The following MAN2A1 variants were observed in gnomAD, a reference collection of about 807,000 sequenced individuals.
MAN2A1 encodes the protein mannosidase alpha class 2A member 1.
In MAN2A1, 76 loss-of-function variants were observed where a neutral mutation model predicts 142.6. The ratio of observed to expected loss-of-function variants is 0.53; its 90% CI spans 0.44 to 0.65. The LOEUF is 0.65. Among genes scored for constraint, MAN2A1 ranks in the 30% least tolerant of loss-of-function variants. The probability of loss-of-function intolerance (pLI) is 0.00; values close to 1 mark genes in which losing one functional copy is unlikely to be tolerated. For synonymous variants in MAN2A1, 559 were observed against 473.2 expected (o/e 1.18, Z -2.35); for missense variants, 1,311 against 1,365.1 (o/e 0.96, Z 0.62).
At chr5:109,762,443 G>T (rs1752877246) in intron 5 of MAN2A1, among the ~76,000 whole-genome samples, 2 of 151,970 alleles carry the variant, frequency 1.3e-5, no homozygotes, top group Admixed American at 1.3e-4. Context: ...ATACATTTTG[G>T]CTCATTTGTT....
chr5:109,690,630 T>C, intron 1 of MAN2A1, 78 bp downstream of exon 1: 1 of 1,468,828 alleles, frequency 6.8e-7, no homozygotes, highest in Non-Finnish European at 9.2e-7. Context: ...CTACCCAACC[T>C]CTTCCTCCCG....
chr5:109,763,591 C>T (rs1480803206), intron 5 of MAN2A1, among the ~76,000 whole-genome samples: 2 of 151,400 alleles, frequency 1.3e-5, no homozygotes. Context: ...CATATGTATA[C>T]ATGTGCCATG....
chr5:109,750,623 T>C (rs558390412), intron 4 of MAN2A1, among the ~76,000 whole-genome samples: 35 of 152,266 alleles, frequency 2.3e-4, no homozygotes, highest in African/African-American at 7.9e-4. Context: ...GTCATTTATA[T>C]ATGATATGAT....
At chr5:109,808,920 C>G (rs996301028) in intron 12 of MAN2A1, among the ~76,000 whole-genome samples, 5 of 152,014 alleles carry the variant, frequency 3.3e-5, no homozygotes, top group Admixed American at 3.3e-4. Context: ...CCAGGCTGGT[C>G]TCGAACTCCT....
intron 4 of MAN2A1, among the ~76,000 whole-genome samples, chr5:109,746,295 T>C (rs1263908794): frequency 6.6e-6 from 1 of 152,144 alleles, no homozygotes; most frequent in Admixed American, 6.6e-5. Flanking sequence ...TAGTTTTCAG[T>C]GCTTAGGAGA....
At chr5:109,793,341 C>T (rs1285149324) in intron 12 of MAN2A1, among the ~76,000 whole-genome samples, 1 of 152,070 alleles carries the variant, frequency 6.6e-6, no homozygotes, top group Admixed American at 6.6e-5. Context: ...TTGTAAACTC[C>T]TTGAGAGTAG....
At chr5:109,834,783 A>T (rs1483140209) in intron 16 of MAN2A1, among the ~76,000 whole-genome samples, 2 of 152,204 alleles carry the variant, frequency 1.3e-5, no homozygotes, top group Admixed American at 6.5e-5. Flanking sequence ...ATGAAAGCAG[A>T]TGTTAACATT....
intron 16 of MAN2A1, among the ~76,000 whole-genome samples, chr5:109,835,759 A>AC (rs1755041022): frequency 6.6e-6 from 1 of 152,196 alleles, no homozygotes; most frequent in African/African-American, 2.4e-5. Flanking sequence ...TTATGAGTAT[A>AC]TTCCTTGGAA....
chr5:109,704,115 G>A (rs1278025343), intron 1 of MAN2A1, among the ~76,000 whole-genome samples: 1 of 152,204 alleles, frequency 6.6e-6, no homozygotes, highest in Admixed American at 6.5e-5. Flanking sequence ...CAGCTACTAA[G>A]TTGGTGGCCC....
chr5:109,779,584 AAC>A (rs1461083487), intron 8 of MAN2A1, among the ~76,000 whole-genome samples: 1 of 50,380 alleles, frequency 2.0e-5, no homozygotes, highest in Non-Finnish European at 4.3e-5. Flanking sequence ...CACACACACA[AAC>A]ACACACAGTC....
intron 8 of MAN2A1, among the ~76,000 whole-genome samples, chr5:109,777,006 G>A (rs1287853656): frequency 1.3e-5 from 2 of 151,908 alleles, no homozygotes; most frequent in Admixed American, 1.3e-4. Flanking sequence ...ATTGTTATTG[G>A]GTATTTGGGA....
At chr5:109,764,183 C>G (rs921388877) in intron 5 of MAN2A1, among the ~76,000 whole-genome samples, 3 of 152,044 alleles carry the variant, frequency 2.0e-5, no homozygotes, top group African/African-American at 7.2e-5. Flanking sequence ...TCCTCTTAAA[C>G]TATAGTATTA....
intron 8 of MAN2A1, among the ~76,000 whole-genome samples, chr5:109,780,546 G>GTA (rs1554078301): frequency 0.032 from 4,845 of 149,306 alleles, 510 homozygotes; most frequent in African/African-American, 0.096. Context: ...GTGTGTGTGT[G>GTA]TGTATGTGTG....
intron 16 of MAN2A1, among the ~76,000 whole-genome samples, chr5:109,829,071 C>A (rs1754835459): frequency 1.3e-5 from 2 of 152,178 alleles, no homozygotes; most frequent in African/African-American, 4.8e-5. Flanking sequence ...TAAACTATTT[C>A]TCAACATAAG....
chr5:109,767,958 G>A (rs1753038340), intron 6 of MAN2A1, among the ~76,000 whole-genome samples: 1 of 152,176 alleles, frequency 6.6e-6, no homozygotes, highest in African/African-American at 2.4e-5. Context: ...TAAGGAGTTA[G>A]TATTTTGCCA....
At chr5:109,760,713 A>G (rs1222611286) in intron 5 of MAN2A1, among the ~76,000 whole-genome samples, 1 of 151,928 alleles carries the variant, frequency 6.6e-6, no homozygotes, top group Non-Finnish European at 1.5e-5. Flanking sequence ...TTTGATTTGT[A>G]TTTCTCTAAT....
intron 8 of MAN2A1, among the ~76,000 whole-genome samples, chr5:109,779,574 CACACACACAA>C (rs113959851): frequency 0.21 from 26,387 of 126,740 alleles, 3,220 homozygotes; most frequent in East Asian, 0.69. Context: ...TGCACACACA[CACACACACAA>C]ACACACACAG....
intron 10 of MAN2A1, among the ~76,000 whole-genome samples, chr5:109,786,004 A>G (rs1045399959): frequency 5.3e-5 from 8 of 152,136 alleles, no homozygotes; most frequent in African/African-American, 1.9e-4. Context: ...TAGTTACAAT[A>G]TTTTGACTGG....
chr5:109,766,227 T>G (rs1165186159), intron 5 of MAN2A1, among the ~76,000 whole-genome samples: 8 of 152,200 alleles, frequency 5.3e-5, no homozygotes, highest in Non-Finnish European at 8.8e-5. Context: ...CTTATCTTAC[T>G]GTGAAAATTC....
Sources: gnomAD v4.1 joint callset for allele counts (sites outside exome capture counted in the v4.1 genomes callset) on GRCh38, gnomAD v4.1.1 for gene constraint, MANE v1.5 for transcripts, NCBI Gene and HGNC (gene_info 2026-07-23, HGNC 2026-07-21) for gene names.